GUCY1A1: variants seen among roughly 807,000 people sequenced by gnomAD.
The protein encoded by GUCY1A1 is guanylate cyclase 1 soluble subunit alpha 1, also known as guanylate cyclase soluble subunit alpha-1.
GUCY1A1 carries 48 observed loss-of-function variants against 64.5 expected under a neutral mutation model. The observed-to-expected ratio is 0.74, with a 90% CI of 0.59 to 0.95. GUCY1A1 has a LOEUF of 0.95. Ranked by LOEUF, GUCY1A1 falls within the 40% of genes least tolerant of loss-of-function variation. The pLI is 0.00. For synonymous variants in GUCY1A1, 308 were observed against 303.4 expected, an observed-to-expected ratio of 1.02 and a Z score of -0.16; for missense variants, 804 against 825.3, an observed-to-expected ratio of 0.97 and a Z score of 0.32.
intron 5 of GUCY1A1, among the ~76,000 whole-genome samples, chr4:155,710,340 AT>A (rs1314582876): frequency 2.0e-5 from 3 of 152,082 alleles, no homozygotes; most frequent in Non-Finnish European, 2.9e-5. Flanking sequence ...CTAGTTTGGG[AT>A]TTTTCTTCAG....
chr4:155,724,049 G>A (rs1341935694), intron 9 of GUCY1A1, among the ~76,000 whole-genome samples: 1 of 152,022 alleles, frequency 6.6e-6, no homozygotes, highest in Non-Finnish European at 1.5e-5. Flanking sequence ...CACCAGAATA[G>A]AAGTCAGACA....
At chr4:155,706,722 C>T (rs1028852996) in intron 4 of GUCY1A1, among the ~76,000 whole-genome samples, 2 of 152,124 alleles carry the variant, frequency 1.3e-5, no homozygotes, top group East Asian at 3.9e-4. Flanking sequence ...GCAATGCTTA[C>T]ACCCACTTGT....
rs1732490822 is a variant in GUCY1A1 at position 155,710,952 on chromosome 4, A to G, written c.787A>G (p.Lys263Glu). 1 of 1,613,538 alleles carries G rather than the reference A, an allele frequency of 6.2e-7. No individual in the cohort carries two copies. The highest frequency in any genetic ancestry group is 1.1e-5 in the South Asian group (1 of 91,082). ...GTACTCCGTTCACATGAAAAGCACC[A>G]AGCCATCCCTGTCCCCCAGCAAACC... ...LLYSVHMKST[K>E]PSLSPSKPQS... Residue 263 changes from lysine (K) to glutamate (E), a missense_variant, in exon 6 of 10, where the codon AAG becomes GAG. Physicochemically the swap from Lys to Glu is moderately conservative, Grantham distance 56. Transcript: ENST00000506455.
rs376864129 is a variant in GUCY1A1 at position 155,673,336 on chromosome 4, A to C, written c.-113+5917A>C. On this transcript the variant is annotated intron_variant, in intron 2 of 9. Transcript: ENST00000506455. ...CTTGAAGGAATTTAAAGTCTGCATG[A>C]ACAAAACCAAGAAATAGTCTCAGAA... Among the ~76,000 whole-genome samples the C allele has an allele frequency of 9.2e-5, 14 of 151,742 alleles. No homozygotes were observed. In the East Asian group the frequency reaches 1.5e-3, roughly 17 times the overall value.
rs572469145 is a variant in GUCY1A1, at chr4:155,733,308, C to A, written c.*3077C>A. Among the ~76,000 whole-genome samples, 1 of 151,576 alleles carries A rather than the reference C, an allele frequency of 6.6e-6. No homozygotes were observed. Among genetic ancestry groups the A allele is most frequent in the East Asian group, 2.0e-4 (1 of 5,086 alleles). On this transcript the variant is annotated 3_prime_UTR_variant, in exon 10 of 10. Coordinates refer to ENST00000506455, the MANE Select transcript of GUCY1A1 (RefSeq NM_001130682.3). ...TCTTTTGGTCTTAGAGTTCATCAAG[C>A]AGAGAAGGGGAAGGACATGGTCCAG...
intron 9 of GUCY1A1, among the ~76,000 whole-genome samples, chr4:155,724,083 T>C (rs544387723): frequency 2.0e-5 from 3 of 152,274 alleles, no homozygotes; most frequent in South Asian, 4.1e-4. Flanking sequence ...CTTTGTGCTG[T>C]AGGTTCTCTC....
chr4:155,706,633 T>C (rs888675509), intron 4 of GUCY1A1, among the ~76,000 whole-genome samples: 43 of 152,014 alleles, frequency 2.8e-4, no homozygotes, highest in Admixed American at 9.8e-4. Context: ...GATCACATCA[T>C]TATATGTATG....
In GUCY1A1 at chr4:155,713,260, G is replaced by T. The variant is rs768543045; in HGVS notation, c.1249G>T (p.Glu417Ter). The change falls in exon 7 of 10, where the codon GAA becomes TAA. Residue 417 changes from glutamate (E) to a stop codon, truncating the protein, a stop_gained. Transcript: ENST00000506455. LOFTEE classifies it high-confidence loss of function. ...NALRDVVLIG[E>*]QARAQDGLKK... Reference sequence around the variant, plus strand: ...ACTGAGGGATGTGGTCTTAATAGGGGAACAAGCCCGAGCTCAAGATGGCCT... The same window carrying T: ...ACTGAGGGATGTGGTCTTAATAGGGTAACAAGCCCGAGCTCAAGATGGCCT... 1.2e-6 allele frequency: 2 copies of T among 1,614,092 alleles called. No homozygotes were observed. Among genetic ancestry groups the T allele is most frequent in the Non-Finnish European group, 1.7e-6 (2 of 1,179,988 alleles).
At chr4:155,694,997 C>T (rs1271046490) in intron 2 of GUCY1A1, among the ~76,000 whole-genome samples, 1 of 152,216 alleles carries the variant, frequency 6.6e-6, no homozygotes, top group Non-Finnish European at 1.5e-5. Context: ...TTGAGGTAGA[C>T]CGCTTCCATT....
intron 4 of GUCY1A1, among the ~76,000 whole-genome samples, chr4:155,704,553 G>C (rs920284998): frequency 5.3e-5 from 8 of 151,568 alleles, no homozygotes; most frequent in African/African-American, 7.3e-5. Context: ...TCAGGGTTCC[G>C]GGGGGTAGCA....
chr4:155,671,454 T>A lies in GUCY1A1; in HGVS notation c.-113+4035T>A, dbSNP rs369105972. On this transcript the variant is annotated intron_variant, in intron 2 of 9. Transcript: ENST00000506455. ...ACTCCAATGTCAGCTTGGAGGATAC[T>A]TTGTGCAGCTATTTTATTCTTTTTT... Among the ~76,000 whole-genome samples the A allele has an allele frequency of 2.0e-4, 31 of 152,304 alleles. 2 individuals are homozygous for A. Among genetic ancestry groups the A allele is most frequent in the Admixed American group, 1.6e-3 (25 of 15,290 alleles).
chr4:155,684,760 A>G (rs1454162806), intron 2 of GUCY1A1, among the ~76,000 whole-genome samples: 3 of 152,164 alleles, frequency 2.0e-5, no homozygotes, highest in Non-Finnish European at 2.9e-5. Context: ...CTGCCTTTCA[A>G]TTCTTCTCTG....
At chr4:155,716,874 T>C (rs1333330499) in intron 7 of GUCY1A1, among the ~76,000 whole-genome samples, 2 of 152,126 alleles carry the variant, frequency 1.3e-5, no homozygotes, top group Admixed American at 6.6e-5. Flanking sequence ...AAAAAAGAGA[T>C]GAAATGATAT....
intron 9 of GUCY1A1, among the ~76,000 whole-genome samples, chr4:155,724,318 T>TA (rs943975545): frequency 1.2e-3 from 181 of 152,220 alleles, no homozygotes; most frequent in African/African-American, 4.0e-3. Context: ...AATTGAAAAA[T>TA]AAAAAATTCC....
Position 155,697,016 on chromosome 4 carries a change from T to C in GUCY1A1, c.149T>C (p.Ile50Thr), listed in dbSNP as rs1046739557. ...GCAACCGTGCCCATCTGTCAAGACA[T>C]TCCTGAGAAGAACATACAAGAAAGT... ...CKATVPICQDIPEKNIQESLP... is the reference protein window; with the variant it reads ...CKATVPICQDTPEKNIQESLP... The change falls in exon 3 of 10, where the codon ATT becomes ACT. Residue 50 changes from isoleucine to threonine, a missense_variant. Physicochemically the swap from Ile to Thr is moderately conservative, Grantham distance 89. Transcript: ENST00000506455. 4 of 1,613,524 alleles carry C rather than the reference T, an allele frequency of 2.5e-6. No homozygotes were observed. In the African/African-American group the frequency reaches 4.0e-5, roughly 16 times the overall value.
In GUCY1A1 at chr4:155,697,035, A is replaced by C; in HGVS notation, c.168A>C (p.Gln56His). The C allele has an allele frequency of 1.9e-6, 3 of 1,612,782 alleles. No individual in the cohort carries two copies. The highest frequency in any genetic ancestry group is 2.5e-6 in the Non-Finnish European group (3 of 1,178,808). ...ICQDIPEKNI[Q>H]ESLPQRKTSR... ...AAGACATTCCTGAGAAGAACATACA[A>C]GAAAGTCTTCCTCAAAGAAAAACCA... is the stretch of plus-strand genomic sequence containing the variant. The change falls in exon 3 of 10, where the codon CAA becomes CAC. Residue 56 changes from glutamine (Q) to histidine (H), a missense_variant. Physicochemically the swap from Gln to His is conservative, Grantham distance 24 (BLOSUM62 0). Transcript: ENST00000506455.
Position 155,710,876 on chromosome 4 carries a change from T to A in GUCY1A1, c.711T>A (p.Pro237=). The A allele has an allele frequency of 6.2e-7, 1 of 1,613,688 alleles. No individual in the cohort carries two copies. Among genetic ancestry groups the A allele is most frequent in the African/African-American group, 1.3e-5 (1 of 75,040 alleles). The change falls in exon 6 of 10, where the codon CCT becomes CCA. Residue 237 remains proline, a synonymous_variant. Coordinates refer to ENST00000506455, the MANE Select transcript of GUCY1A1 (RefSeq NM_001130682.3). ...CGGAAGTGGAAGTGTCGTTAATGCC[T>A]CCCTGCTTCCATAATGATTGCAGCG... The part of the protein sequence containing the change: ...YETEVEVSLM[P]PCFHNDCSEF...
At chr4:155,701,601 A>G (rs1282131638) in intron 3 of GUCY1A1, among the ~76,000 whole-genome samples, 1 of 152,142 alleles carries the variant, frequency 6.6e-6, no homozygotes, top group Admixed American at 6.5e-5. Context: ...AGCATTCTTC[A>G]GTGGCAGAAT....
chr4:155,730,029 G>C lies in GUCY1A1; in HGVS notation c.1872-1G>C, dbSNP rs769959728. On this transcript the variant is annotated splice_acceptor_variant, in intron 9 of 9. Transcript: ENST00000506455. LOFTEE classifies it high-confidence loss of function. ...TCAGTATTATATTTTAATATTTTCAGATTACTCAAAGACTGTCCTGGTTTC... is the reference window on the plus strand; with the variant it reads ...TCAGTATTATATTTTAATATTTTCACATTACTCAAAGACTGTCCTGGTTTC... The C allele has an allele frequency of 3.9e-5, 61 of 1,574,794 alleles. No homozygotes were observed. Among genetic ancestry groups the C allele is most frequent in the Non-Finnish European group, 5.0e-5 (57 of 1,145,660 alleles).
Sources: allele counts gnomAD v4.1 joint callset (sites outside exome capture counted in the v4.1 genomes callset), GRCh38; gene constraint gnomAD v4.1.1; transcripts MANE v1.5; gene names NCBI Gene and HGNC (gene_info 2026-07-23, HGNC 2026-07-21).